The following NXPH1 variants were observed in gnomAD, a reference collection of about 807,000 sequenced individuals.
NXPH1 encodes neurexophilin-1.
NXPH1 carries 5 observed loss-of-function variants against 23.7 expected under a neutral mutation model. The observed-to-expected ratio is 0.21, with a 90% CI of 0.11 to 0.44. NXPH1 has a LOEUF of 0.44. Among genes scored for constraint, NXPH1 ranks in the 20% least tolerant of loss-of-function variants. NXPH1 has a pLI of 0.99. For missense variants in NXPH1, 324 were observed against 321.6 expected, an observed-to-expected ratio of 1.01 and a Z score of -0.06; for synonymous variants, 144 against 122.2, an observed-to-expected ratio of 1.18 and a Z score of -1.18.
chr7:8,698,005 T>G (rs1779562017), intron 2 of NXPH1, among the ~76,000 whole-genome samples: 1 of 152,182 alleles, frequency 6.6e-6, no homozygotes, highest in Non-Finnish European at 1.5e-5. Context: ...TTAACCCAAG[T>G]AAAATGGCCT....
chr7:8,610,884 T>C (rs1390429891), intron 2 of NXPH1, among the ~76,000 whole-genome samples: 1 of 151,460 alleles, frequency 6.6e-6, no homozygotes, highest in Non-Finnish European at 1.5e-5. Flanking sequence ...GATATGCAAA[T>C]GTTTAAGAGG....
Position 8,655,299 on chromosome 7 carries a change from C to T in NXPH1, c.55-95709C>T, listed in dbSNP as rs573283012. On this transcript the variant is annotated intron_variant, in intron 2 of 2. Transcript: ENST00000405863. ...ACTTGGGAGGCTGAGGTGGGAGAAT[C>T]GCTTGAGCCTGGAAGGTGGAGGTTG... Among the ~76,000 whole-genome samples, 7 of 152,036 alleles carry T rather than the reference C, an allele frequency of 4.6e-5. No individual in the cohort carries two copies. The South Asian group carries it at 1.0e-3, about 23-fold the overall frequency.
At chr7:8,457,542 G>GT (rs34212357) in intron 2 of NXPH1, among the ~76,000 whole-genome samples, 67,220 of 145,584 alleles carry the variant, frequency 0.46, 16,060 homozygotes, top group East Asian at 0.6. Context: ...CTAATTCTTA[G>GT]TTTTTTTTTT....
chr7:8,449,491 A>ATGACAT (rs1816467412), intron 2 of NXPH1, among the ~76,000 whole-genome samples: 1 of 152,176 alleles, frequency 6.6e-6, no homozygotes, highest in African/African-American at 2.4e-5. Context: ...ACCCTATAAG[A>ATGACAT]TGACATGTAC....
At chr7:8,625,139 A>T (rs764939727) in intron 2 of NXPH1, among the ~76,000 whole-genome samples, 5 of 152,110 alleles carry the variant, frequency 3.3e-5, no homozygotes, top group Non-Finnish European at 4.4e-5. Flanking sequence ...GAATTATCCT[A>T]TTCTTTTTTT....
At chr7:8,549,627 T>G (rs1474314938) in intron 2 of NXPH1, among the ~76,000 whole-genome samples, 1 of 151,558 alleles carries the variant, frequency 6.6e-6, no homozygotes, top group South Asian at 2.1e-4. Flanking sequence ...TTTTGGAATT[T>G]TGTAAAGATA....
At chr7:8,590,719 A>T (rs1819075675) in intron 2 of NXPH1, among the ~76,000 whole-genome samples, 1 of 152,108 alleles carries the variant, frequency 6.6e-6, no homozygotes. Context: ...TTCTTCCTAG[A>T]AACAGGGACC....
At chr7:8,706,733 C>T (rs1009991336) in intron 2 of NXPH1, among the ~76,000 whole-genome samples, 3 of 152,142 alleles carry the variant, frequency 2.0e-5, no homozygotes, top group African/African-American at 7.2e-5. Context: ...CAAGACTGGT[C>T]CAATTGCTGC....
intron 2 of NXPH1, among the ~76,000 whole-genome samples, chr7:8,523,972 C>A (rs920244203): frequency 6.6e-6 from 1 of 152,030 alleles, no homozygotes; most frequent in African/African-American, 2.4e-5. Context: ...CAGCCGGGCA[C>A]GGTGGCTCAT....
chr7:8,506,313 C>T (rs1228021563), intron 2 of NXPH1, among the ~76,000 whole-genome samples: 3 of 152,078 alleles, frequency 2.0e-5, no homozygotes, highest in Non-Finnish European at 2.9e-5. Flanking sequence ...TTGGCTACAT[C>T]ATCCAGTGTC....
intron 2 of NXPH1, among the ~76,000 whole-genome samples, chr7:8,501,343 T>A (rs1817429290): frequency 6.6e-6 from 1 of 152,032 alleles, no homozygotes; most frequent in African/African-American, 2.4e-5. Flanking sequence ...AGTTGTACCA[T>A]GCAAGATATG....
chr7:8,480,624 C>T (rs1449066974), intron 2 of NXPH1, among the ~76,000 whole-genome samples: 1 of 152,158 alleles, frequency 6.6e-6, no homozygotes, highest in African/African-American at 2.4e-5. Context: ...GTGGCTTAGT[C>T]ATGCCTTAAC....
chr7:8,657,060 A>G (rs1230997324), intron 2 of NXPH1, among the ~76,000 whole-genome samples: 1 of 152,226 alleles, frequency 6.6e-6, no homozygotes, highest in East Asian at 1.9e-4. Context: ...TTCTATGTAC[A>G]TGATGTCCTA....
rs1816182884 is a variant in NXPH1, at chr7:8,435,757, C to T, written c.44C>T (p.Thr15Ile). 2 of 1,613,840 alleles carry T rather than the reference C, an allele frequency of 1.2e-6. No homozygotes were observed. Among genetic ancestry groups the T allele is most frequent in the African/African-American group, 1.3e-5 (1 of 74,910 alleles). ...TACGTGCTTTTCCTCCTGCAGCCCA[C>T]CGTCTACTTGGTAAGTCTTGGAAGG... ...CWYVLFLLQP[T>I]VYLVTCANLT... is the part of the protein sequence containing the mutation. Residue 15 changes from threonine (T) to isoleucine (I), a missense_variant, in exon 2 of 3, where the codon ACC becomes ATC. Coordinates refer to ENST00000405863, the MANE Select transcript of NXPH1 (RefSeq NM_152745.3). This position sits in a 1 kb window ranked among gnomAD's most constrained non-coding sequence, Gnocchi z 5.9.
intron 2 of NXPH1, among the ~76,000 whole-genome samples, chr7:8,724,266 T>C (rs1336774314): frequency 3.3e-5 from 5 of 152,208 alleles, no homozygotes; most frequent in Non-Finnish European, 1.5e-5. Context: ...GCACCATGAA[T>C]AGAGGCAGCT....
chr7:8,494,740 G>A (rs1489248403), intron 2 of NXPH1, among the ~76,000 whole-genome samples: 3 of 152,006 alleles, frequency 2.0e-5, no homozygotes, highest in Non-Finnish European at 4.4e-5. Flanking sequence ...TGCATTAATT[G>A]TTCTTATTCC....
At chr7:8,460,613 C>G (rs1039210840) in intron 2 of NXPH1, among the ~76,000 whole-genome samples, 1 of 152,118 alleles carries the variant, frequency 6.6e-6, no homozygotes, top group South Asian at 2.1e-4. Context: ...TTGGACATGC[C>G]TAGCTCTGAT....
At chr7:8,561,854 A>G (rs1395629356) in intron 2 of NXPH1, among the ~76,000 whole-genome samples, 2 of 151,726 alleles carry the variant, frequency 1.3e-5, no homozygotes, top group Non-Finnish European at 3.0e-5. Context: ...ACAATGGGGA[A>G]AATGTTGCTG....
At chr7:8,698,259 A>C (rs1779566205) in intron 2 of NXPH1, among the ~76,000 whole-genome samples, 1 of 152,174 alleles carries the variant, frequency 6.6e-6, no homozygotes, top group Non-Finnish European at 1.5e-5. Flanking sequence ...ACCTATTTTC[A>C]ATTCTATAAT....
Sources: allele counts gnomAD v4.1 joint callset (sites outside exome capture counted in the v4.1 genomes callset), GRCh38; gene constraint gnomAD v4.1.1; non-coding constraint Gnocchi (gnomAD v3.1); transcripts MANE v1.5; gene names NCBI Gene and HGNC (gene_info 2026-07-23, HGNC 2026-07-21).